PCSK1: variants seen among roughly 807,000 people sequenced by gnomAD.
The protein encoded by PCSK1 is neuroendocrine convertase 1.
In PCSK1, 56 loss-of-function variants were observed where a neutral mutation model predicts 90.6. The observed-to-expected ratio is 0.62, with a 90% CI of 0.50 to 0.77. PCSK1 has a LOEUF of 0.77. PCSK1 is among the 30% of genes least tolerant of loss of function. PCSK1 has a pLI of 0.00. For missense variants in PCSK1, 801 were observed against 932.6 expected, an observed-to-expected ratio of 0.86 and a Z score of 1.84; for synonymous variants, 348 against 342.4, an observed-to-expected ratio of 1.02 and a Z score of -0.18.
intron 1 of PCSK1, among the ~76,000 whole-genome samples, chr5:96,431,686 T>G (rs1049460007): frequency 5.9e-5 from 9 of 152,126 alleles, no homozygotes; most frequent in African/African-American, 1.9e-4. Flanking sequence ...TTTATAAAGT[T>G]GAGAATGAAG....
At chr5:96,399,103 T>C in intron 10 of PCSK1, 67 bp from the exon 11 acceptor site, 1 of 1,142,218 alleles carries the variant, frequency 8.8e-7, no homozygotes, top group Non-Finnish European at 1.3e-6. Flanking sequence ...TATGCATATC[T>C]GCATGCATCA....
At chr5:96,428,189 A>G (rs1237006837) in intron 2 of PCSK1, among the ~76,000 whole-genome samples, 2 of 152,194 alleles carry the variant, frequency 1.3e-5, no homozygotes, top group Non-Finnish European at 2.9e-5. Flanking sequence ...AGGGCAAATT[A>G]TCTTACAGTC....
At chr5:96,403,386 G>A (rs1580749737) in intron 9 of PCSK1, among the ~76,000 whole-genome samples, 1 of 151,952 alleles carries the variant, frequency 6.6e-6, no homozygotes, top group Admixed American at 6.6e-5. Context: ...TTTACATTAG[G>A]TATATCTCCT....
At chr5:96,410,383 C>T (rs1760715358) in intron 8 of PCSK1, among the ~76,000 whole-genome samples, 3 of 152,006 alleles carry the variant, frequency 2.0e-5, no homozygotes, top group Admixed American at 2.0e-4. Context: ...GCAGGTCAGA[C>T]TATATCCCTG....
chr5:96,416,267 TA>T (rs1760936374), intron 5 of PCSK1, 146 bp from the exon 6 acceptor site: 10 of 673,264 alleles, frequency 1.5e-5, no homozygotes, highest in Non-Finnish European at 2.4e-5. Context: ...TAGTATAACA[TA>T]AAACTTATGT....
At position 96,432,745 on chromosome 5, in the gene PCSK1, C is replaced by T. The variant is rs954009659; in HGVS notation, c.180+118G>A. On this transcript the variant is annotated intron_variant, in intron 1 of 13. Transcript: ENST00000311106. The stretch of plus-strand genomic sequence containing the variant: ...GGGCGAGGGCTGGAGCAGCTCCTTG[C>T]TCTTTGCTACTCTGGGCTCTGGAGA... 1.5e-5 allele frequency: 12 copies of T among 788,450 alleles called. No individual in the cohort carries two copies. The African/African-American group carries it at 1.9e-4, about 12-fold the overall frequency. The allele number at this position is 788,450 out of a possible 1,614,324, so 48.8% of individuals were successfully genotyped here.
At position 96,417,980 on chromosome 5, in the gene PCSK1, C is replaced by T. The variant is rs192840136; in HGVS notation, c.621-1859G>A. Among the ~76,000 whole-genome samples, 7 of 152,282 alleles carry T rather than the reference C, an allele frequency of 4.6e-5. No homozygotes were observed. The East Asian group carries it at 9.7e-4, about 21-fold the overall frequency. On this transcript the variant is annotated intron_variant, in intron 5 of 13. Transcript: ENST00000311106. ...CAAGGCTCAGGTCAGCAAAAGAATC[C>T]AGTGCAGGTCTTCAGCCTGAGCCAA...
intron 6 of PCSK1, 32 bp from the exon 7 acceptor site, chr5:96,412,522 G>A (rs1246922882): frequency 1.3e-6 from 2 of 1,593,682 alleles, no homozygotes; most frequent in African/African-American, 2.7e-5. Context: ...GACACACAAA[G>A]GTTGATGTCA....
At chr5:96,400,317 G>A (rs571788278) in intron 9 of PCSK1, 131 bp from the exon 10 acceptor site, 4 of 715,872 alleles carry the variant, frequency 5.6e-6, no homozygotes, top group Non-Finnish European at 1.0e-5. Context: ...TGTTATTCTA[G>A]TGTCTATTAC....
chr5:96,427,800 A>T (rs1761360113), intron 2 of PCSK1, among the ~76,000 whole-genome samples: 1 of 152,146 alleles, frequency 6.6e-6, no homozygotes, highest in African/African-American at 2.4e-5. Flanking sequence ...CAAAGAAGGA[A>T]ATCTCTCTTC....
chr5:96,397,204 A>T, intron 12 of PCSK1, 132 bp downstream of exon 12: 1 of 783,886 alleles, frequency 1.3e-6, no homozygotes, highest in Non-Finnish European at 2.2e-6. Context: ...GAAACACTCT[A>T]CTTTTCCCTT....
intron 1 of PCSK1, 40 bp downstream of exon 1, chr5:96,432,823 C>A (rs1761548426): frequency 6.3e-7 from 1 of 1,592,462 alleles, no homozygotes; most frequent in African/African-American, 1.3e-5. Flanking sequence ...CGCCAGTCCC[C>A]TGGGGCCCCA....
rs1337740754 is a variant in PCSK1 at position 96,405,075 on chromosome 5, A to G, written c.1196+3148T>C. On this transcript the variant is annotated intron_variant, in intron 9 of 13. Coordinates refer to ENST00000311106, the MANE Select transcript of PCSK1 (RefSeq NM_000439.5). ...CACATGTCTAGAAATTCTGGCATTC[A>G]GCTTTGGTATAGACAATTGAATAGA... Among the ~76,000 whole-genome samples the G allele has an allele frequency of 2.6e-5, 4 of 152,286 alleles. No individual in the cohort carries two copies. In the East Asian group the frequency reaches 7.7e-4, roughly 29 times the overall value.
At position 96,408,323 on chromosome 5, in the gene PCSK1, T is replaced by C. The variant is rs758978305; in HGVS notation, c.1096A>G (p.Thr366Ala). 135 of 1,612,288 alleles carry C rather than the reference T, an allele frequency of 8.4e-5. No individual in the cohort carries two copies. Among genetic ancestry groups the C allele is most frequent in the Non-Finnish European group, 1.1e-4 (130 of 1,178,634 alleles). ...SSGDYTDQRITSADLHNDCTE... is the reference protein window; with the variant it reads ...SSGDYTDQRIASADLHNDCTE... ...CAGTCATTGTGCAGGTCAGCGCTCG[T>C]CTGGATGACGTCAGGAAGGAGAGAA... Residue 366 changes from threonine to alanine, a missense_variant and splice_region_variant, in exon 9 of 14, where the codon ACG becomes GCG. Transcript: ENST00000311106.
intron 3 of PCSK1, among the ~76,000 whole-genome samples, chr5:96,425,032 GAA>G (rs1347931327): frequency 1.2e-4 from 12 of 98,274 alleles, no homozygotes; most frequent in African/African-American, 4.1e-4. Flanking sequence ...AAGAAAGAAA[GAA>G]AGAAAGAAAG....
At chr5:96,415,182 G>A (rs1760900995) in intron 6 of PCSK1, among the ~76,000 whole-genome samples, 2 of 152,154 alleles carry the variant, frequency 1.3e-5, no homozygotes, top group Non-Finnish European at 2.9e-5. Context: ...TTCTCCATTA[G>A]AACATGGACT....
intron 3 of PCSK1, 76 bp downstream of exon 3, chr5:96,425,744 T>C (rs1580768015): frequency 8.1e-6 from 6 of 745,192 alleles, no homozygotes; most frequent in Admixed American, 2.2e-5. Context: ...AAAAAAAAAA[T>C]CCATGTTGCA....
At chr5:96,396,208 C>G (rs544416351) in intron 12 of PCSK1, among the ~76,000 whole-genome samples, 1 of 152,206 alleles carries the variant, frequency 6.6e-6, no homozygotes, top group Non-Finnish European at 1.5e-5. Context: ...TAACAAACGA[C>G]TATAGAATTT....
intron 9 of PCSK1, among the ~76,000 whole-genome samples, chr5:96,405,823 A>G (rs1461385498): frequency 1.3e-5 from 2 of 152,208 alleles, no homozygotes; most frequent in Non-Finnish European, 2.9e-5. Context: ...CAGCAGATGG[A>G]TATTTCTACT....
Sources: gnomAD v4.1 joint callset for allele counts (sites outside exome capture counted in the v4.1 genomes callset) on GRCh38, gnomAD v4.1.1 for gene constraint, MANE v1.5 for transcripts, NCBI Gene and HGNC (gene_info 2026-07-23, HGNC 2026-07-21) for gene names.